The following WWTR1 variants were observed in gnomAD, a reference collection of about 807,000 sequenced individuals.
WWTR1 encodes the protein WW domain-containing transcription regulator protein 1.
A neutral mutation model predicts 40.1 loss-of-function variants in WWTR1; 13 were observed. The ratio of observed to expected loss-of-function variants is 0.32; its 90% CI spans 0.21 to 0.52. The LOEUF is 0.52. Ranked by LOEUF, WWTR1 falls within the 20% of genes least tolerant of loss-of-function variation. The pLI, the probability that WWTR1 is intolerant of heterozygous loss-of-function variation, is 0.97. For missense variants in WWTR1, 436 were observed against 523.1 expected (o/e 0.83, Z 1.63); for synonymous variants, 230 against 210.1 (o/e 1.09, Z -0.82).
Position 149,693,393 on chromosome 3 carries a change from T to C in WWTR1, c.-108+9731A>G, listed in dbSNP as rs146011616. Among the ~76,000 whole-genome samples the C allele has an allele frequency of 4.6e-5, 7 of 152,294 alleles. No individual in the cohort carries two copies. The East Asian group carries it at 1.3e-3, about 29-fold the overall frequency. On this transcript the variant is annotated intron_variant, in intron 1 of 7. Coordinates refer to the WWTR1 transcript ENST00000465804. ...ATTGGAAGAATCAGTATTGTTAATA[T>C]GCCTACACTACGCAAAGCAATCTAC...
intron 3 of WWTR1, among the ~76,000 whole-genome samples, chr3:149,570,726 T>TTG (rs1187221934): frequency 7.9e-5 from 12 of 151,918 alleles, no homozygotes; most frequent in East Asian, 1.9e-4. Flanking sequence ...CAATTGGACT[T>TTG]TGTGTGTGTG....
At chr3:149,620,904 T>C (rs768724980) in intron 2 of WWTR1, among the ~76,000 whole-genome samples, 1 of 152,210 alleles carries the variant, frequency 6.6e-6, no homozygotes, top group Non-Finnish European at 1.5e-5. Flanking sequence ...CCTATGACTA[T>C]TCTCTTTTCT....
intron 1 of WWTR1, among the ~76,000 whole-genome samples, chr3:149,700,405 C>G (rs1465141220): frequency 6.6e-6 from 1 of 152,092 alleles, no homozygotes; most frequent in African/African-American, 2.4e-5. Context: ...TAGCATGGTA[C>G]CATTATAGTT....
chr3:149,562,504 CA>C (rs1737128821), intron 3 of WWTR1, among the ~76,000 whole-genome samples: 1 of 151,388 alleles, frequency 6.6e-6, no homozygotes, highest in Non-Finnish European at 1.5e-5. Context: ...CTACAGTGAC[CA>C]AATAGCAATT....
At chr3:149,706,030 A>C (rs1175019550), upstream of WWTR1, among the ~76,000 whole-genome samples, 1 of 152,052 alleles carries the variant, frequency 6.6e-6, no homozygotes, top group Non-Finnish European at 1.5e-5. Flanking sequence ...GTCTCTACAA[A>C]AAATACAAAA....
intron 4 of WWTR1, chr3:149,540,079 T>TAC (rs202144589): frequency 0.025 from 6,786 of 271,610 alleles, 102 homozygotes; most frequent in African/African-American, 0.047. Flanking sequence ...TCCTCCTAAC[T>TAC]ACACACACAC....
chr3:149,562,123 T>C (rs764349647), intron 3 of WWTR1, among the ~76,000 whole-genome samples: 28 of 151,976 alleles, frequency 1.8e-4, no homozygotes, highest in Non-Finnish European at 3.7e-4. Context: ...GGTGAAACCC[T>C]GTCTCTACTA....
At chr3:149,666,035 G>A (rs992848258) in intron 2 of WWTR1, among the ~76,000 whole-genome samples, 1 of 152,110 alleles carries the variant, frequency 6.6e-6, no homozygotes, top group African/African-American at 2.4e-5. Flanking sequence ...CTTTCAAGCT[G>A]AGCTTGGAAG....
At position 149,608,777 on chromosome 3, in the gene WWTR1, T is replaced by C. The variant is rs138898506; in HGVS notation, c.432-35777A>G. 1.9e-3 allele frequency among the ~76,000 whole-genome samples: 291 copies of C among 152,060 alleles called. 1 individual carries two copies. Among genetic ancestry groups the C allele is most frequent in the African/African-American group, 6.7e-3 (276 of 41,500 alleles). On this transcript the variant is annotated intron_variant, in intron 2 of 6. Transcript: ENST00000360632. ...AAAGGGTCTAAAACGTTAAGATCAG[T>C]CAAGTGGCTCACGCGCTATAATCTC...
intron 3 of WWTR1, among the ~76,000 whole-genome samples, chr3:149,557,121 A>G (rs1249719935): frequency 8.5e-6 from 1 of 118,182 alleles, no homozygotes; most frequent in Non-Finnish European, 1.6e-5. Context: ...CCCAGGCTGG[A>G]GTGCAATGGC....
chr3:149,523,782 G>A (rs1282271178), intron 6 of WWTR1, among the ~76,000 whole-genome samples: 1 of 152,150 alleles, frequency 6.6e-6, no homozygotes, highest in Non-Finnish European at 1.5e-5. Flanking sequence ...AGCTCTGCCT[G>A]CCCCCACAGC....
intron 2 of WWTR1, among the ~76,000 whole-genome samples, chr3:149,627,389 A>C (rs1740614509): frequency 6.6e-6 from 1 of 152,200 alleles, no homozygotes; most frequent in Non-Finnish European, 1.5e-5. Context: ...AATGAAATGC[A>C]ATGAGCAGAG....
At chr3:149,642,298 T>A (rs1002158546) in intron 2 of WWTR1, among the ~76,000 whole-genome samples, 1 of 151,778 alleles carries the variant, frequency 6.6e-6, no homozygotes, top group African/African-American at 2.4e-5. Flanking sequence ...CCCATGCCTG[T>A]AATCCCAGCT....
chr3:149,531,342 G>C (rs1163426385), intron 4 of WWTR1, among the ~76,000 whole-genome samples: 1 of 152,208 alleles, frequency 6.6e-6, no homozygotes, highest in Non-Finnish European at 1.5e-5. Context: ...TAGGTCACAA[G>C]TTATTCCACA....
intron 2 of WWTR1, among the ~76,000 whole-genome samples, chr3:149,608,331 C>A (rs1172171528): frequency 6.6e-6 from 1 of 151,808 alleles, no homozygotes; most frequent in Non-Finnish European, 1.5e-5. Flanking sequence ...ACACACACAA[C>A]CACCATCACC....
At chr3:149,636,998 GTAT>G (rs1262902289) in intron 2 of WWTR1, among the ~76,000 whole-genome samples, 1 of 141,126 alleles carries the variant, frequency 7.1e-6, no homozygotes, top group East Asian at 2.1e-4. Context: ...AAAGAGAGAA[GTAT>G]TATGCAAGGC....
chr3:149,600,412 G>T (rs1739190179), intron 2 of WWTR1, among the ~76,000 whole-genome samples: 2 of 152,112 alleles, frequency 1.3e-5, no homozygotes, highest in African/African-American at 4.8e-5. Flanking sequence ...AAAGTCACAG[G>T]GCCAAAAGGG....
rs11924169 is a variant in WWTR1, at chr3:149,531,091, C to T, written c.772-3122G>A. On this transcript the variant is annotated intron_variant, in intron 4 of 6. Coordinates refer to ENST00000360632, the MANE Select transcript of WWTR1 (RefSeq NM_015472.6). ...CTGGGACTACAGGCATGTGCCACCA[C>T]GCCCAGCTAATTTTTGTATTTTTAG... Among the ~76,000 whole-genome samples the T allele has an allele frequency of 6.6e-3, 1,010 of 152,234 alleles. 10 individuals carry two copies. Among genetic ancestry groups the T allele is most frequent in the African/African-American group, 0.023 (955 of 41,546 alleles).
chr3:149,601,968 A>G (rs149584204), intron 2 of WWTR1, among the ~76,000 whole-genome samples: 88 of 152,294 alleles, frequency 5.8e-4, no homozygotes, highest in African/African-American at 2.0e-3. Context: ...ACCCACAGAG[A>G]TTTTGCCACA....
Sources: gnomAD v4.1 joint callset for allele counts (sites outside exome capture counted in the v4.1 genomes callset) on GRCh38, gnomAD v4.1.1 for gene constraint, MANE v1.5 for transcripts, NCBI Gene and HGNC (gene_info 2026-07-23, HGNC 2026-07-21) for gene names.